Variants in FGGY observed in about 807,000 individuals in gnomAD.
The protein encoded by FGGY is FGGY carbohydrate kinase domain containing.
In FGGY, 72 loss-of-function variants were observed where a neutral mutation model predicts 71.3. The ratio of observed to expected loss-of-function variants is 1.01; its 90% CI spans 0.84 to 1.23. The LOEUF is 1.23. Ranked by LOEUF, FGGY falls within the 50% of genes most tolerant of loss-of-function variation. FGGY has a pLI of 0.00. For missense variants in FGGY, 668 were observed against 682.3 expected, an observed-to-expected ratio of 0.98 and a Z score of 0.23; for synonymous variants, 251 against 250.3, an observed-to-expected ratio of 1.00 and a Z score of -0.02.
At chr1:59,329,233 A>G (rs1008856151) in intron 2 of FGGY, among the ~76,000 whole-genome samples, 5 of 152,188 alleles carry the variant, frequency 3.3e-5, no homozygotes, top group Admixed American at 3.3e-4. Context: ...AGTCACATGA[A>G]TTTTTTGATT....
At chr1:59,595,039 G>T (rs1290910781) in intron 8 of FGGY, among the ~76,000 whole-genome samples, 1 of 152,150 alleles carries the variant, frequency 6.6e-6, no homozygotes, top group African/African-American at 2.4e-5. Flanking sequence ...CATTCATTGA[G>T]TTTCCTGCTT....
chr1:59,342,867 A>T (rs1222139274), intron 3 of FGGY, among the ~76,000 whole-genome samples: 1 of 152,216 alleles, frequency 6.6e-6, no homozygotes, highest in Non-Finnish European at 1.5e-5. Context: ...TAAGTACAAT[A>T]GTTTAAGAAA....
At chr1:59,350,597 C>G (rs2053080247) in intron 4 of FGGY, among the ~76,000 whole-genome samples, 1 of 152,052 alleles carries the variant, frequency 6.6e-6, no homozygotes, top group Non-Finnish European at 1.5e-5. Flanking sequence ...GGTAAATAGT[C>G]TGAGTTCGGC....
At chr1:59,394,651 C>T (rs1301237113) in intron 5 of FGGY, among the ~76,000 whole-genome samples, 1 of 152,132 alleles carries the variant, frequency 6.6e-6, no homozygotes, top group African/African-American at 2.4e-5. Flanking sequence ...GAGCTAAATA[C>T]TATTGTCTAC....
intron 8 of FGGY, among the ~76,000 whole-genome samples, chr1:59,589,430 A>T (rs1363516864): frequency 2.0e-5 from 3 of 152,208 alleles, no homozygotes; most frequent in African/African-American, 7.2e-5. Context: ...CTCTGCACCA[A>T]GCGGACCTAA....
chr1:59,606,374 T>C (rs868854679), intron 8 of FGGY, among the ~76,000 whole-genome samples: 48 of 152,170 alleles, frequency 3.2e-4, no homozygotes, highest in African/African-American at 1.1e-3. Context: ...TAGGGAAAAA[T>C]TTGAAAGTTT....
chr1:59,668,922 C>T (rs911346267), intron 13 of FGGY, among the ~76,000 whole-genome samples: 4 of 139,064 alleles, frequency 2.9e-5, no homozygotes, highest in South Asian at 2.4e-4. Context: ...ACCTGGGAGG[C>T]GGAGGTTGCA....
chr1:59,345,515 T>C (rs1178044423), intron 3 of FGGY, among the ~76,000 whole-genome samples: 1 of 152,172 alleles, frequency 6.6e-6, no homozygotes, highest in African/African-American at 2.4e-5. Context: ...CTCCTCCTTA[T>C]GATTTTCTCC....
intron 11 of FGGY, among the ~76,000 whole-genome samples, chr1:59,650,065 G>C (rs566944507): frequency 6.7e-6 from 1 of 148,448 alleles, no homozygotes; most frequent in African/African-American, 2.6e-5. Context: ...ATTGATTTGC[G>C]TATATTGAAC....
intron 5 of FGGY, among the ~76,000 whole-genome samples, chr1:59,387,646 A>G (rs2060227239): frequency 6.6e-6 from 1 of 152,172 alleles, no homozygotes; most frequent in African/African-American, 2.4e-5. Context: ...AACTTGAGAG[A>G]ATGGCATATT....
intron 14 of FGGY, among the ~76,000 whole-genome samples, chr1:59,748,216 G>C (rs1257808262): frequency 6.6e-6 from 1 of 151,944 alleles, no homozygotes; most frequent in Non-Finnish European, 1.5e-5. Context: ...AGATTCAGGA[G>C]GGAGGAGAGC....
At chr1:59,720,557 C>T (rs935120752) in intron 14 of FGGY, among the ~76,000 whole-genome samples, 3 of 152,126 alleles carry the variant, frequency 2.0e-5, no homozygotes, top group Non-Finnish European at 2.9e-5. Context: ...AAAAATTGGC[C>T]TCAAGCCTTC....
At chr1:59,577,830 G>C (rs1055356251) in intron 8 of FGGY, among the ~76,000 whole-genome samples, 1 of 152,114 alleles carries the variant, frequency 6.6e-6, no homozygotes, top group African/African-American at 2.4e-5. Flanking sequence ...AAAAGCCTTT[G>C]ATGACTCTTC....
chr1:59,717,339 T>C (rs1304414119), intron 14 of FGGY, among the ~76,000 whole-genome samples: 1 of 152,074 alleles, frequency 6.6e-6, no homozygotes, highest in African/African-American at 2.4e-5. Context: ...CAATTCCCCA[T>C]GGACTCAGAT....
intron 6 of FGGY, among the ~76,000 whole-genome samples, chr1:59,459,411 T>C (rs1450617048): frequency 1.3e-5 from 2 of 152,128 alleles, no homozygotes; most frequent in Non-Finnish European, 2.9e-5. Flanking sequence ...TAAGGAAAAA[T>C]AGTTTTGTGC....
chr1:59,374,357 T>C (rs969925375), intron 4 of FGGY, among the ~76,000 whole-genome samples: 14 of 152,198 alleles, frequency 9.2e-5, no homozygotes, highest in Middle Eastern at 3.4e-3. Flanking sequence ...CAATGAGATA[T>C]CATCTCACAC....
chr1:59,701,034 G>A (rs2097705179), intron 14 of FGGY, among the ~76,000 whole-genome samples: 1 of 152,190 alleles, frequency 6.6e-6, no homozygotes, highest in South Asian at 2.1e-4. Context: ...GCCAACACTT[G>A]TGTTTTCTGT....
chr1:59,415,380 T>C (rs2064217594), intron 5 of FGGY, among the ~76,000 whole-genome samples: 1 of 152,222 alleles, frequency 6.6e-6, no homozygotes, highest in African/African-American at 2.4e-5. Flanking sequence ...AGATTTTCTG[T>C]CATCAGAAAA....
At chr1:59,634,937 A>G (rs2096942579) in intron 10 of FGGY, among the ~76,000 whole-genome samples, 1 of 152,124 alleles carries the variant, frequency 6.6e-6, no homozygotes, top group South Asian at 2.1e-4. Context: ...TCTTCATGAT[A>G]CCCAGTGGGA....
Sources: allele counts gnomAD v4.1 joint callset (sites outside exome capture counted in the v4.1 genomes callset), GRCh38; gene constraint gnomAD v4.1.1; transcripts MANE v1.5; gene names NCBI Gene and HGNC (gene_info 2026-07-23, HGNC 2026-07-21).